RPH3A: variants seen among roughly 807,000 people sequenced by gnomAD.
RPH3A encodes rabphilin 3A.
RPH3A carries 48 observed loss-of-function variants against 102.2 expected under a neutral mutation model. The ratio of observed to expected loss-of-function variants is 0.47; its 90% CI spans 0.37 to 0.60. The LOEUF is 0.60. Among genes scored for constraint, RPH3A ranks in the 20% least tolerant of loss-of-function variants. The pLI, the probability that RPH3A is intolerant of heterozygous loss-of-function variation, is 0.00. For synonymous variants in RPH3A, 310 were observed against 324.3 expected, an observed-to-expected ratio of 0.96 and a Z score of 0.47; for missense variants, 781 against 910.1, an observed-to-expected ratio of 0.86 and a Z score of 1.83.
At chr12:112,716,709 C>T (rs2040515337) in intron 1 of RPH3A, among the ~76,000 whole-genome samples, 1 of 152,214 alleles carries the variant, frequency 6.6e-6, no homozygotes, top group African/African-American at 2.4e-5. Context: ...GCTAGGCAGC[C>T]ATGTTTCCAG....
At chr12:112,825,205 T>C (rs939996383) in intron 2 of RPH3A, among the ~76,000 whole-genome samples, 5 of 152,238 alleles carry the variant, frequency 3.3e-5, no homozygotes, top group Admixed American at 1.3e-4. Context: ...CTCTCCTTTC[T>C]GTTTTTGAAG....
At chr12:112,869,586 T>A in intron 8 of RPH3A, 173 bp from the exon 9 acceptor site, 2 of 641,330 alleles carry the variant, frequency 3.1e-6, no homozygotes, top group Non-Finnish European at 2.7e-6. Flanking sequence ...CAAAAAAAAA[T>A]GTGAAATTGT....
intron 1 of RPH3A, among the ~76,000 whole-genome samples, chr12:112,770,238 C>T (rs761804761): frequency 2.6e-5 from 4 of 152,206 alleles, no homozygotes; most frequent in African/African-American, 9.7e-5. Flanking sequence ...AGCCTCCCCT[C>T]AGGCAGACAC....
intron 1 of RPH3A, among the ~76,000 whole-genome samples, chr12:112,748,475 T>C (rs1197449969): frequency 6.6e-6 from 1 of 152,132 alleles, no homozygotes; most frequent in Non-Finnish European, 1.5e-5. Context: ...CTAGGACTAC[T>C]GGCACATGCC....
chr12:112,875,195 C>T (rs1289488462), intron 11 of RPH3A, 25 bp downstream of exon 11: 8 of 1,558,492 alleles, frequency 5.1e-6, no homozygotes, highest in Admixed American at 3.7e-5. Context: ...CCTGCTAGCA[C>T]CTGCCCAGGC....
intron 1 of RPH3A, among the ~76,000 whole-genome samples, chr12:112,681,044 A>G (rs2040222916): frequency 6.6e-6 from 1 of 152,122 alleles, no homozygotes; most frequent in African/African-American, 2.4e-5. Flanking sequence ...GAGGAGAAAG[A>G]GGCTCTGCTG....
At position 112,887,912 on chromosome 12, in the gene RPH3A, C is replaced by A; in HGVS notation, c.1552C>A (p.Arg518=). The change falls in exon 17 of 22, where the codon CGA becomes AGA. Residue 518 remains arginine, a synonymous_variant. Coordinates refer to ENST00000389385, the MANE Select transcript of RPH3A (RefSeq NM_001143854.2). The part of the protein sequence containing the change: ...QRKNFNICLE[R]VIPMKRAGTT... The stretch of plus-strand genomic sequence containing the variant: ...GAAGAATTTCAACATCTGCCTGGAG[C>A]GAGTGATTCCTGTGAGTGACTTTAC... The A allele has an allele frequency of 6.2e-7, 1 of 1,613,370 alleles. No individual in the cohort carries two copies. The highest frequency in any genetic ancestry group is 8.5e-7 in the Non-Finnish European group (1 of 1,179,464).
chr12:112,658,923 T>A (rs764870574), intron 1 of RPH3A, among the ~76,000 whole-genome samples: 1 of 152,160 alleles, frequency 6.6e-6, no homozygotes, highest in Non-Finnish European at 1.5e-5. Context: ...GATGCTGATA[T>A]TAACAGTTAA....
chr12:112,877,932 C>A (rs11614942), intron 13 of RPH3A, among the ~76,000 whole-genome samples: 12,186 of 152,248 alleles, frequency 0.08, 707 homozygotes, highest in Middle Eastern at 0.12. Flanking sequence ...CGAACCTGGG[C>A]ATAGTTGCTT....
chr12:112,610,632 A>T (rs954296773), intron 1 of RPH3A, among the ~76,000 whole-genome samples: 2 of 150,350 alleles, frequency 1.3e-5, no homozygotes, highest in African/African-American at 2.4e-5. Flanking sequence ...TTATTATTTT[A>T]TTTATTTATT....
At chr12:112,788,418 T>C (rs529790215), upstream of RPH3A, among the ~76,000 whole-genome samples, 40 of 152,228 alleles carry the variant, frequency 2.6e-4, no homozygotes, top group Admixed American at 5.2e-4. Context: ...GGGCCTGGTT[T>C]AGGAAAAACT....
chr12:112,700,593 C>T (rs2040387040), intron 1 of RPH3A, among the ~76,000 whole-genome samples: 1 of 152,218 alleles, frequency 6.6e-6, no homozygotes. Flanking sequence ...TCCGAGTCTG[C>T]ACCTGGTCTG....
At chr12:112,752,364 A>C (rs746570561) in intron 1 of RPH3A, among the ~76,000 whole-genome samples, 8 of 152,188 alleles carry the variant, frequency 5.3e-5, no homozygotes, top group Admixed American at 3.9e-4. Flanking sequence ...GAAACTTATT[A>C]CTTAGTTTCT....
chr12:112,783,319 C>T (rs535295927), intron 1 of RPH3A, among the ~76,000 whole-genome samples: 10 of 152,272 alleles, frequency 6.6e-5, no homozygotes, highest in Admixed American at 5.9e-4. Context: ...TGCCCCACCC[C>T]CTACCCCACT....
intron 1 of RPH3A, among the ~76,000 whole-genome samples, chr12:112,765,246 T>TG (rs2040880496): frequency 7.1e-6 from 1 of 141,658 alleles, no homozygotes; most frequent in Non-Finnish European, 1.5e-5. Context: ...GTCATGGTGA[T>TG]TGTGTGTGTG....
At chr12:112,760,954 A>C (rs2040850968) in intron 1 of RPH3A, among the ~76,000 whole-genome samples, 1 of 152,184 alleles carries the variant, frequency 6.6e-6, no homozygotes, top group Non-Finnish European at 1.5e-5. Flanking sequence ...ATCAACACTG[A>C]TATGATGAAC....
intron 1 of RPH3A, among the ~76,000 whole-genome samples, chr12:112,621,655 T>C (rs975621844): frequency 4.0e-5 from 6 of 151,880 alleles, no homozygotes; most frequent in African/African-American, 1.4e-4. Flanking sequence ...TTGCCCAGGC[T>C]TGCTTAGGTA....
chr12:112,771,947 G>A (rs1247577163), intron 1 of RPH3A, among the ~76,000 whole-genome samples: 2 of 152,172 alleles, frequency 1.3e-5, no homozygotes, highest in East Asian at 3.8e-4. Context: ...TCATACATTT[G>A]TTTAAGTGTA....
At position 112,847,708 on chromosome 12, in the gene RPH3A, C is replaced by G; in HGVS notation, c.96C>G (p.Gly32=). The change falls in exon 5 of 22, where the codon GGC becomes GGG. Residue 32 remains glycine (G), a synonymous_variant. Coordinates refer to ENST00000389385, the MANE Select transcript of RPH3A (RefSeq NM_001143854.2). ...QSNDKEQLQA[G]WSVHPGGQPD... is the part of the protein sequence containing the mutation. ...AATTTCCTTTCAGGCTCCAGGCAGGCTGGTCCGTCCACCCCGGTGGTCAGC... is the reference window on the plus strand; with the variant it reads ...AATTTCCTTTCAGGCTCCAGGCAGGGTGGTCCGTCCACCCCGGTGGTCAGC... 6.2e-7 allele frequency: 1 copy of G among 1,613,958 alleles called. No homozygotes were observed. The highest frequency in any genetic ancestry group is 1.7e-5 in the Admixed American group (1 of 60,022).
Sources: gnomAD v4.1 joint callset for allele counts (sites outside exome capture counted in the v4.1 genomes callset) on GRCh38, gnomAD v4.1.1 for gene constraint, MANE v1.5 for transcripts, NCBI Gene and HGNC (gene_info 2026-07-23, HGNC 2026-07-21) for gene names.